RASAL2: variants seen among roughly 807,000 people sequenced by gnomAD.
RASAL2 encodes the protein ras GTPase-activating protein nGAP.
RASAL2 carries 58 observed loss-of-function variants against 128.9 expected under a neutral mutation model. The observed-to-expected ratio is 0.45, with a 90% CI of 0.36 to 0.56. The LOEUF (loss-of-function observed/expected upper bound fraction) is 0.56. RASAL2 is among the 20% of genes least tolerant of loss of function. RASAL2 has a pLI of 0.00. For synonymous variants in RASAL2, 561 were observed against 580.8 expected, an observed-to-expected ratio of 0.97 and a Z score of 0.49; for missense variants, 1,360 against 1,601.6, an observed-to-expected ratio of 0.85 and a Z score of 2.57.
intron 1 of RASAL2, among the ~76,000 whole-genome samples, chr1:178,245,186 G>C (rs1012790193): frequency 2.6e-5 from 4 of 152,250 alleles, no homozygotes; most frequent in Admixed American, 6.5e-5. Flanking sequence ...AATTTACACT[G>C]CCACCAACAG....
chr1:178,144,982 C>G (rs1383876697), intron 1 of RASAL2, among the ~76,000 whole-genome samples: 1 of 152,164 alleles, frequency 6.6e-6, no homozygotes, highest in African/African-American at 2.4e-5. Flanking sequence ...GTAAGTTTAA[C>G]ATCTTTGTAA....
intron 3 of RASAL2, among the ~76,000 whole-genome samples, chr1:178,368,954 A>G (rs1671555956): frequency 6.6e-6 from 1 of 152,096 alleles, no homozygotes. Flanking sequence ...CCCTATTTAC[A>G]GTATTTTGAT....
chr1:178,431,341 A>T (rs1488731112), intron 5 of RASAL2, among the ~76,000 whole-genome samples: 1 of 152,128 alleles, frequency 6.6e-6, no homozygotes, highest in Non-Finnish European at 1.5e-5. Context: ...AACATGTACA[A>T]ATGTCCTCAA....
At chr1:178,131,416 C>A (rs1224367013) in intron 1 of RASAL2, among the ~76,000 whole-genome samples, 1 of 104,838 alleles carries the variant, frequency 9.5e-6, no homozygotes, top group East Asian at 2.8e-4. Context: ...AGACAGGGTA[C>A]GTATTTGTTG....
chr1:178,197,741 G>A (rs1662715948), intron 1 of RASAL2, among the ~76,000 whole-genome samples: 1 of 151,922 alleles, frequency 6.6e-6, no homozygotes, highest in African/African-American at 2.4e-5. Context: ...GGGTACATGT[G>A]CACAATGTGC....
chr1:178,102,327 T>TA (rs1658930587), intron 1 of RASAL2, among the ~76,000 whole-genome samples: 1 of 152,158 alleles, frequency 6.6e-6, no homozygotes, highest in Admixed American at 6.5e-5. Flanking sequence ...TTTTTTTAAA[T>TA]ATTATATTTT....
chr1:178,233,567 A>G (rs972407640), intron 1 of RASAL2, among the ~76,000 whole-genome samples: 4 of 152,200 alleles, frequency 2.6e-5, no homozygotes, highest in African/African-American at 9.6e-5. Flanking sequence ...TTGAACGACA[A>G]CAACAAAAGG....
chr1:178,292,845 C>A (rs2102244404), intron 2 of RASAL2, among the ~76,000 whole-genome samples: 1 of 152,248 alleles, frequency 6.6e-6, no homozygotes, highest in South Asian at 2.1e-4. Context: ...CATTTGACTC[C>A]ATTTTTCTTA....
At chr1:178,253,259 T>C (rs1665138208) in intron 1 of RASAL2, among the ~76,000 whole-genome samples, 2 of 152,188 alleles carry the variant, frequency 1.3e-5, no homozygotes, top group South Asian at 4.1e-4. Flanking sequence ...TCTTTTATTA[T>C]AATGATTTGG....
intron 1 of RASAL2, among the ~76,000 whole-genome samples, chr1:178,270,542 G>A (rs554432648): frequency 6.8e-6 from 1 of 147,702 alleles, no homozygotes; most frequent in Admixed American, 6.7e-5. Context: ...ATTTTTTCTT[G>A]TATCTGTCTC....
chr1:178,113,052 G>A (rs916897995), intron 1 of RASAL2, among the ~76,000 whole-genome samples: 1 of 152,040 alleles, frequency 6.6e-6, no homozygotes, highest in African/African-American at 2.4e-5. Flanking sequence ...TAAAGAATAA[G>A]AATTGAAATT....
intron 1 of RASAL2, among the ~76,000 whole-genome samples, chr1:178,158,456 C>A (rs1194816730): frequency 1.3e-5 from 2 of 149,836 alleles, no homozygotes; most frequent in East Asian, 3.9e-4. Flanking sequence ...GATTCTTAGA[C>A]CAACTTGGGT....
intron 9 of RASAL2, 103 bp from the exon 10 acceptor site, chr1:178,451,468 A>G (rs1248090061): frequency 1.6e-6 from 2 of 1,259,458 alleles, no homozygotes; most frequent in East Asian, 2.4e-5. Context: ...GATCTAGAAA[A>G]GAATTCCCCA....
At chr1:178,184,524 G>A (rs1315772909) in intron 1 of RASAL2, among the ~76,000 whole-genome samples, 6 of 151,626 alleles carry the variant, frequency 4.0e-5, no homozygotes, top group Non-Finnish European at 7.4e-5. Context: ...TTGTGTTTAG[G>A]TTCATAGTTT....
intron 9 of RASAL2, 23 bp downstream of exon 9, chr1:178,445,685 T>C (rs1050831453): frequency 1.9e-6 from 3 of 1,584,020 alleles, no homozygotes; most frequent in Admixed American, 1.8e-5. Context: ...AAAACATCTA[T>C]TTTCTTTTAT....
chr1:178,444,602 AG>A (rs1356403512), intron 8 of RASAL2, among the ~76,000 whole-genome samples: 6 of 152,316 alleles, frequency 3.9e-5, no homozygotes, highest in African/African-American at 1.2e-4. Context: ...GAGCTTTACT[AG>A]AAGTTCTTTA....
intron 5 of RASAL2, among the ~76,000 whole-genome samples, chr1:178,432,458 A>C (rs973133720): frequency 6.6e-6 from 1 of 151,874 alleles, no homozygotes; most frequent in Non-Finnish European, 1.5e-5. Flanking sequence ...GTCTTTTGTC[A>C]GTTTTGTAGC....
chr1:178,239,653 C>T (rs1664404933), intron 1 of RASAL2, among the ~76,000 whole-genome samples: 1 of 152,058 alleles, frequency 6.6e-6, no homozygotes, highest in Non-Finnish European at 1.5e-5. Context: ...ACATTACTCT[C>T]TATCCAAGGG....
intron 1 of RASAL2, among the ~76,000 whole-genome samples, chr1:178,192,444 A>G (rs772071477): frequency 4.3e-4 from 66 of 152,244 alleles, no homozygotes; most frequent in Middle Eastern, 3.2e-3. Flanking sequence ...AAGTGTTCAA[A>G]TACAGAATGC....
Sources: gnomAD v4.1 joint callset for allele counts (sites outside exome capture counted in the v4.1 genomes callset) on GRCh38, gnomAD v4.1.1 for gene constraint, MANE v1.5 for transcripts, NCBI Gene and HGNC (gene_info 2026-07-23, HGNC 2026-07-21) for gene names.